BMP6: variants seen among roughly 807,000 people sequenced by gnomAD.
BMP6 encodes the protein bone morphogenetic protein 6.
BMP6 carries 17 observed loss-of-function variants against 54.1 expected under a neutral mutation model. The ratio of observed to expected loss-of-function variants is 0.31; its 90% CI spans 0.22 to 0.47. BMP6 has a LOEUF of 0.47. Ranked by LOEUF, BMP6 falls within the 20% of genes least tolerant of loss-of-function variation. The probability of loss-of-function intolerance (pLI) is 1.00; values close to 1 mark genes in which losing one functional copy is unlikely to be tolerated. For missense variants in BMP6, 720 were observed against 690.4 expected (o/e 1.04, Z -0.48); for synonymous variants, 328 against 291.2 (o/e 1.13, Z -1.28).
At chr6:7,762,240 A>C (rs1757624329) in intron 1 of BMP6, among the ~76,000 whole-genome samples, 1 of 152,202 alleles carries the variant, frequency 6.6e-6, no homozygotes, top group Non-Finnish European at 1.5e-5. Context: ...ATTTCTTAAA[A>C]GGAAGGGGTT....
intron 1 of BMP6, among the ~76,000 whole-genome samples, chr6:7,833,048 G>C (rs1461381270): frequency 2.0e-5 from 3 of 151,982 alleles, no homozygotes; most frequent in African/African-American, 4.8e-5. Flanking sequence ...GGAGAGAGTG[G>C]ATGGACATGG....
intron 1 of BMP6, among the ~76,000 whole-genome samples, chr6:7,815,956 G>A (rs1275684338): frequency 6.6e-6 from 1 of 152,174 alleles, no homozygotes; most frequent in Non-Finnish European, 1.5e-5. Flanking sequence ...TGGTTGGCAG[G>A]GGCATTTTAC....
chr6:7,779,421 C>T (rs1374265671), intron 1 of BMP6, among the ~76,000 whole-genome samples: 1 of 152,172 alleles, frequency 6.6e-6, no homozygotes, highest in African/African-American at 2.4e-5. Flanking sequence ...TCACTTCAAC[C>T]TCCACCTCCC....
chr6:7,779,093 C>G lies in BMP6; in HGVS notation c.664+51474C>G, dbSNP rs554097628. 5.9e-5 allele frequency among the ~76,000 whole-genome samples: 9 copies of G among 152,334 alleles called. 1 individual carries two copies. In the South Asian group the frequency reaches 1.9e-3, roughly 32 times the overall value. On this transcript the variant is annotated intron_variant, in intron 1 of 6. Transcript: ENST00000283147. The stretch of plus-strand genomic sequence containing the variant: ...CGGGAAGCAGTGTTTCTAGACTTGG[C>G]TCTGGATCCTGAGGGTCTCCCCAAG...
chr6:7,769,681 AAC>A (rs1339476872), intron 1 of BMP6, among the ~76,000 whole-genome samples: 1 of 152,182 alleles, frequency 6.6e-6, no homozygotes, highest in African/African-American at 2.4e-5. Context: ...AATTTAGAAA[AAC>A]AATTCTTGTT....
At chr6:7,753,114 A>C (rs1165338583) in intron 1 of BMP6, among the ~76,000 whole-genome samples, 1 of 152,200 alleles carries the variant, frequency 6.6e-6, no homozygotes, top group East Asian at 1.9e-4. Flanking sequence ...CATTAAAGAA[A>C]GGTTTCAGAA....
chr6:7,785,547 T>A (rs1406466720), intron 1 of BMP6, among the ~76,000 whole-genome samples: 1 of 152,206 alleles, frequency 6.6e-6, no homozygotes, highest in Non-Finnish European at 1.5e-5. Context: ...GGCACTTTTG[T>A]TTTCAACTCC....
intron 1 of BMP6, among the ~76,000 whole-genome samples, chr6:7,788,610 C>CA (rs1758050964): frequency 6.6e-6 from 1 of 152,272 alleles, no homozygotes; most frequent in South Asian, 2.1e-4. Flanking sequence ...ATCAAAGAGT[C>CA]AAAGTTATGG....
At position 7,879,970 on chromosome 6, in the gene BMP6, C is replaced by T. The variant is rs765808178; in HGVS notation, c.1282-21C>T. ...AGAAGTGCATGCTCATCTTTTGTTG[C>T]TTCCTTTGCATGAAATTAAGGACTG... is the stretch of plus-strand genomic sequence containing the variant. On this transcript the variant is annotated intron_variant, in intron 5 of 6. Transcript: ENST00000283147. 95 of 1,605,000 alleles carry T rather than the reference C, an allele frequency of 5.9e-5. 1 individual carries two copies. In the Admixed American group the frequency reaches 1.6e-3, roughly 26 times the overall value.
chr6:7,852,369 T>A (rs375756356), intron 2 of BMP6, among the ~76,000 whole-genome samples: 1 of 152,308 alleles, frequency 6.6e-6, no homozygotes, highest in East Asian at 1.9e-4. Context: ...GCCTAGGAGT[T>A]CAGGACTGGC....
chr6:7,782,105 A>C (rs1384295879), intron 1 of BMP6, among the ~76,000 whole-genome samples: 1 of 151,250 alleles, frequency 6.6e-6, no homozygotes, highest in Non-Finnish European at 1.5e-5. Flanking sequence ...AGAGAGATTC[A>C]GGGGGCAAAC....
intron 1 of BMP6, among the ~76,000 whole-genome samples, chr6:7,822,897 TTGTGTGTGTGTGTGTGTGTGTG>T (rs56161444): frequency 2.5e-5 from 3 of 121,296 alleles, no homozygotes; most frequent in East Asian, 2.2e-4. Flanking sequence ...TTGGTGCTGG[TTGTGTGTGTGTGTGTGTGTGTG>T]TGTGTGTGTG....
chr6:7,729,562 G>A (rs1386708292), intron 1 of BMP6, among the ~76,000 whole-genome samples: 5 of 152,270 alleles, frequency 3.3e-5, no homozygotes, highest in African/African-American at 1.2e-4. Flanking sequence ...GGGCCGCTTC[G>A]TGGGCCCAGA....
intron 1 of BMP6, among the ~76,000 whole-genome samples, chr6:7,821,332 G>A (rs539056350): frequency 6.0e-4 from 91 of 152,214 alleles, no homozygotes; most frequent in African/African-American, 2.1e-3. Flanking sequence ...CTGGGTTCTT[G>A]CATTGTGCCC....
At chr6:7,790,470 A>G (rs956830116) in intron 1 of BMP6, among the ~76,000 whole-genome samples, 1 of 138,080 alleles carries the variant, frequency 7.2e-6, no homozygotes, top group Non-Finnish European at 1.5e-5. Context: ...GTGAGCTGAG[A>G]TCGCACTGCA....
intron 1 of BMP6, among the ~76,000 whole-genome samples, chr6:7,739,882 G>A (rs892650937): frequency 6.6e-5 from 10 of 152,002 alleles, no homozygotes; most frequent in South Asian, 2.1e-4. Flanking sequence ...ATTTTTTAGC[G>A]CTTCTAAAAA....
intron 4 of BMP6, among the ~76,000 whole-genome samples, chr6:7,869,726 G>T (rs550049684): frequency 6.6e-6 from 1 of 152,160 alleles, no homozygotes; most frequent in Non-Finnish European, 1.5e-5. Flanking sequence ...ACTTAAGGTC[G>T]GGGAGCAGAG....
chr6:7,764,725 C>A (rs149800417), intron 1 of BMP6, among the ~76,000 whole-genome samples: 2 of 152,306 alleles, frequency 1.3e-5, no homozygotes, highest in South Asian at 4.1e-4. Flanking sequence ...AAGACGTCCT[C>A]CCATCTCAGC....
At chr6:7,814,303 T>G (rs1758490428) in intron 1 of BMP6, among the ~76,000 whole-genome samples, 3 of 152,220 alleles carry the variant, frequency 2.0e-5, no homozygotes, top group Admixed American at 2.0e-4. Flanking sequence ...GGACATGACA[T>G]CTCATCATGT....
Sources: allele counts gnomAD v4.1 joint callset (sites outside exome capture counted in the v4.1 genomes callset), GRCh38; gene constraint gnomAD v4.1.1; transcripts MANE v1.5; gene names NCBI Gene and HGNC (gene_info 2026-07-23, HGNC 2026-07-21).